The following PSD3 variants were observed in gnomAD, a reference collection of about 807,000 sequenced individuals.
PSD3 encodes the protein pleckstrin and Sec7 domain containing 3.
Under a neutral mutation model 105.5 loss-of-function variants are expected in PSD3, and 49 were observed. The observed-to-expected ratio is 0.46, with a 90% CI of 0.37 to 0.59. The LOEUF (loss-of-function observed/expected upper bound fraction) is 0.59, where lower values mean the gene tolerates loss of function less well. Ranked by LOEUF, PSD3 falls within the 20% of genes least tolerant of loss-of-function variation. The probability of loss-of-function intolerance (pLI) is 0.00; values close to 1 mark genes in which losing one functional copy is unlikely to be tolerated. For missense variants in PSD3, 1,561 were observed against 1,263.8 expected, an observed-to-expected ratio of 1.24 and a Z score of -3.57; for synonymous variants, 557 against 457.8, an observed-to-expected ratio of 1.22 and a Z score of -2.77.
intron 8 of PSD3, among the ~76,000 whole-genome samples, chr8:18,770,942 G>A (rs1259619299): frequency 1.3e-5 from 2 of 152,190 alleles, no homozygotes; most frequent in Non-Finnish European, 2.9e-5. Flanking sequence ...GCCGATGGAA[G>A]TGGCTCTCAG....
At chr8:18,723,336 A>G (rs557735476) in intron 9 of PSD3, among the ~76,000 whole-genome samples, 1 of 152,288 alleles carries the variant, frequency 6.6e-6, no homozygotes, top group South Asian at 2.1e-4. Flanking sequence ...TGTCATGCAA[A>G]CTCTGCAAAT....
At chr8:18,669,059 CACTG>C (rs1399314901) in intron 9 of PSD3, among the ~76,000 whole-genome samples, 3 of 152,210 alleles carry the variant, frequency 2.0e-5, no homozygotes, top group Non-Finnish European at 1.5e-5. Context: ...TTTAACACAT[CACTG>C]ACTATTTATA....
chr8:18,626,293 T>C (rs1647728643), intron 11 of PSD3, among the ~76,000 whole-genome samples: 2 of 151,992 alleles, frequency 1.3e-5, no homozygotes, highest in Non-Finnish European at 2.9e-5. Context: ...AAATGGTCCA[T>C]TTGAGACAAG....
chr8:18,751,315 C>G (rs963127815), intron 9 of PSD3, among the ~76,000 whole-genome samples: 14 of 152,202 alleles, frequency 9.2e-5, no homozygotes, highest in African/African-American at 3.1e-4. Flanking sequence ...ACGATCCTTA[C>G]AAGATCACCC....
intron 9 of PSD3, among the ~76,000 whole-genome samples, chr8:18,666,920 T>C (rs1453935915): frequency 6.6e-6 from 1 of 152,200 alleles, no homozygotes; most frequent in Non-Finnish European, 1.5e-5. Context: ...CTGACTTCCC[T>C]CGCGGTCAGT....
intron 15 of PSD3, among the ~76,000 whole-genome samples, chr8:18,550,233 T>C (rs1800680516): frequency 6.6e-6 from 1 of 152,202 alleles, no homozygotes; most frequent in African/African-American, 2.4e-5. Flanking sequence ...TTTGCAATCA[T>C]CTACTAAAAA....
rs914753212 is a variant in PSD3, at chr8:18,532,134, G to C, written c.*3609C>G. ...GATTAGTTAAAAAGAAAAGAGTGCAGCTCATGACAAGCAGGCCCTGCCTCT... is the reference window on the plus strand; with the variant it reads ...GATTAGTTAAAAAGAAAAGAGTGCACCTCATGACAAGCAGGCCCTGCCTCT... On this transcript the variant is annotated 3_prime_UTR_variant, in exon 16 of 16. Coordinates refer to ENST00000327040, the MANE Select transcript of PSD3 (RefSeq NM_015310.4). The C allele has an allele frequency of 6.6e-6, 1 of 152,214 alleles. No homozygotes were observed. Among genetic ancestry groups the C allele is most frequent in the African/African-American group, 2.4e-5 (1 of 41,452 alleles). 9.4% of individuals were successfully genotyped at this position (152,214 alleles called of 1,614,324 possible).
chr8:18,595,446 GAGAGAGAC>G (rs762429962), intron 12 of PSD3, among the ~76,000 whole-genome samples: 37 of 151,028 alleles, frequency 2.4e-4, no homozygotes, highest in Non-Finnish European at 4.1e-4. Flanking sequence ...TATTGAGAGA[GAGAGAGAC>G]AGAGAGACAG....
At chr8:18,912,539 A>G (rs1820301492) in intron 2 of PSD3, among the ~76,000 whole-genome samples, 1 of 152,256 alleles carries the variant, frequency 6.6e-6, no homozygotes, top group African/African-American at 2.4e-5. Flanking sequence ...ATCTTTAATT[A>G]GGTGAAAATC....
At chr8:19,061,086 C>A (rs1828881543) in intron 1 of PSD3, among the ~76,000 whole-genome samples, 1 of 152,176 alleles carries the variant, frequency 6.6e-6, no homozygotes, top group Non-Finnish European at 1.5e-5. Context: ...CAGCCTCCAC[C>A]AGCAGCATCT....
rs931659974 is a variant in PSD3, at chr8:18,552,694, C to T, written c.2928+3515G>A. ...AAAGTTAATTTATAAGGAAATGTGG[C>T]TATTTCTGATATTTATTTCTTGAAA... On this transcript the variant is annotated intron_variant, in intron 15 of 15. Transcript: ENST00000327040. Among the ~76,000 whole-genome samples, 3 of 152,280 alleles carry T rather than the reference C, an allele frequency of 2.0e-5. No individual in the cohort carries two copies. The East Asian group carries it at 5.8e-4, about 29-fold the overall frequency.
intron 2 of PSD3, among the ~76,000 whole-genome samples, chr8:18,886,170 T>C (rs1255683984): frequency 6.6e-6 from 1 of 151,990 alleles, no homozygotes; most frequent in East Asian, 1.9e-4. Context: ...GACAGAATTG[T>C]GTGTTCCCAG....
At chr8:18,625,466 A>T (rs1806412692) in intron 11 of PSD3, among the ~76,000 whole-genome samples, 1 of 152,102 alleles carries the variant, frequency 6.6e-6, no homozygotes, top group Non-Finnish European at 1.5e-5. Flanking sequence ...GGTCAACCAG[A>T]AAATGCCTAC....
At chr8:18,882,261 G>T (rs536000772) in intron 2 of PSD3, among the ~76,000 whole-genome samples, 66 of 152,088 alleles carry the variant, frequency 4.3e-4, no homozygotes, top group Non-Finnish European at 7.6e-4. Flanking sequence ...CAAAAAAGCA[G>T]CCTCCTTAAA....
intron 1 of PSD3, among the ~76,000 whole-genome samples, chr8:18,946,373 G>C (rs10093291): frequency 0.52 from 79,364 of 151,660 alleles, 21,165 homozygotes; most frequent in Non-Finnish European, 0.55. Flanking sequence ...GCCAGGAGTT[G>C]GAGACTAGCC....
At chr8:18,655,298 C>T (rs185583945) in intron 10 of PSD3, among the ~76,000 whole-genome samples, 338 of 144,500 alleles carry the variant, frequency 2.3e-3, no homozygotes, top group African/African-American at 8.4e-3. Flanking sequence ...CACTGCACTC[C>T]AGCCTGGGCG....
At chr8:18,767,398 C>G (rs1239783691) in intron 8 of PSD3, among the ~76,000 whole-genome samples, 1 of 152,178 alleles carries the variant, frequency 6.6e-6, no homozygotes, top group Non-Finnish European at 1.5e-5. Flanking sequence ...AGAAGTGTCA[C>G]AGGTATCATC....
chr8:18,853,887 T>C (rs1341034746), intron 4 of PSD3, among the ~76,000 whole-genome samples: 1 of 152,178 alleles, frequency 6.6e-6, no homozygotes, highest in Admixed American at 6.5e-5. Flanking sequence ...CCAAACATTG[T>C]AGACCCTGTA....
At chr8:18,806,571 G>C (rs374158201) in intron 4 of PSD3, among the ~76,000 whole-genome samples, 6 of 152,338 alleles carry the variant, frequency 3.9e-5, no homozygotes, top group Admixed American at 2.6e-4. Context: ...ACCAAGGGCG[G>C]TCAGAATTTT....
Sources: gnomAD v4.1 joint callset for allele counts (sites outside exome capture counted in the v4.1 genomes callset) on GRCh38, gnomAD v4.1.1 for gene constraint, MANE v1.5 for transcripts, NCBI Gene and HGNC (gene_info 2026-07-23, HGNC 2026-07-21) for gene names.